PRELID2: variants seen among roughly 807,000 people sequenced by gnomAD.
PRELID2 encodes the protein PRELI domain containing 2, also known as PRELI domain-containing protein 2.
PRELID2 carries 25 observed loss-of-function variants against 28.4 expected under a neutral mutation model. That is an observed-to-expected ratio of 0.88 (90% CI 0.64 to 1.23). PRELID2 has a LOEUF of 1.23. Ranked by LOEUF, PRELID2 falls within the 50% of genes most tolerant of loss-of-function variation. The pLI is 0.00. For synonymous variants in PRELID2, 76 were observed against 71.6 expected (o/e 1.06, Z -0.31); for missense variants, 201 against 214.4 (o/e 0.94, Z 0.39).
chr5:145,531,673 G>T (rs987070657), intron 1 of PRELID2, among the ~76,000 whole-genome samples: 1 of 152,124 alleles, frequency 6.6e-6, no homozygotes, highest in Non-Finnish European at 1.5e-5. Context: ...GCTCTGCAAG[G>T]CCTCTCTGCT....
intron 1 of PRELID2, among the ~76,000 whole-genome samples, chr5:145,606,009 A>AT (rs1753498718): frequency 6.6e-6 from 1 of 151,462 alleles, no homozygotes; most frequent in Non-Finnish European, 1.5e-5. Context: ...ATTCCTAGGT[A>AT]TTTTATTCTT....
chr5:145,383,219 A>C, the PRELID2 span, among the ~76,000 whole-genome samples: 1 of 151,718 alleles, frequency 6.6e-6, no homozygotes, highest in African/African-American at 2.4e-5. Flanking sequence ...TATATATCTT[A>C]CACTCAAATA....
At chr5:145,530,626 G>A (rs1159981447) in intron 1 of PRELID2, among the ~76,000 whole-genome samples, 2 of 152,096 alleles carry the variant, frequency 1.3e-5, no homozygotes, top group East Asian at 3.9e-4. Flanking sequence ...AACGAACGCA[G>A]GAACCGGTTG....
At chr5:145,818,448 C>T (rs1754526693) in intron 3 of PRELID2, among the ~76,000 whole-genome samples, 1 of 152,152 alleles carries the variant, frequency 6.6e-6, no homozygotes, top group Admixed American at 6.6e-5. Context: ...TCATTTTAAA[C>T]TCTGTCCAAT....
At chr5:145,724,447 A>G (rs941671052) in intron 1 of PRELID2, among the ~76,000 whole-genome samples, 23 of 151,452 alleles carry the variant, frequency 1.5e-4, no homozygotes, top group African/African-American at 5.1e-4. Context: ...AATCTATAAT[A>G]CCAATATTAA....
the PRELID2 span, among the ~76,000 whole-genome samples, chr5:145,295,580 G>T: frequency 6.6e-6 from 1 of 152,232 alleles, no homozygotes; most frequent in East Asian, 1.9e-4. Context: ...TATAAGTACT[G>T]AATGCCAGAT....
intron 1 of PRELID2, among the ~76,000 whole-genome samples, chr5:145,729,724 C>T (rs1190846374): frequency 6.6e-6 from 1 of 152,174 alleles, no homozygotes; most frequent in East Asian, 1.9e-4. Flanking sequence ...GTCTTTCTTG[C>T]CCCATGTTGG....
At chr5:145,529,795 G>A (rs367914037) in intron 1 of PRELID2, among the ~76,000 whole-genome samples, 11 of 152,126 alleles carry the variant, frequency 7.2e-5, no homozygotes, top group South Asian at 2.1e-4. Context: ...ACTCTCTGAC[G>A]AGATATTTGA....
chr5:145,247,026 G>A, the PRELID2 span, among the ~76,000 whole-genome samples: 1 of 152,170 alleles, frequency 6.6e-6, no homozygotes, highest in African/African-American at 2.4e-5. Flanking sequence ...CTCCCAAATT[G>A]CTCCTGTGGA....
At chr5:145,550,309 C>A (rs757659312) in intron 1 of PRELID2, among the ~76,000 whole-genome samples, 1 of 151,998 alleles carries the variant, frequency 6.6e-6, no homozygotes, top group Non-Finnish European at 1.5e-5. Context: ...ATGAGCAAGG[C>A]GGAGAGTAGA....
At chr5:145,729,694 T>C (rs961669365) in intron 1 of PRELID2, among the ~76,000 whole-genome samples, 10 of 152,208 alleles carry the variant, frequency 6.6e-5, no homozygotes, top group African/African-American at 2.4e-4. Flanking sequence ...TTTTACATGC[T>C]CTAGCATTCC....
chr5:145,709,437 A>C (rs996181559), intron 1 of PRELID2, among the ~76,000 whole-genome samples: 2 of 152,210 alleles, frequency 1.3e-5, no homozygotes, highest in Non-Finnish European at 2.9e-5. Flanking sequence ...GGGAGCTTCC[A>C]GATCCATCTG....
At chr5:145,637,810 C>CTTTTT (rs547110066) in intron 1 of PRELID2, among the ~76,000 whole-genome samples, 3 of 130,730 alleles carry the variant, frequency 2.3e-5, no homozygotes, top group African/African-American at 8.8e-5. Context: ...CAAAACCATT[C>CTTTTT]TTTTTTTTTT....
At chr5:145,653,077 CA>C (rs1273839171) in intron 1 of PRELID2, among the ~76,000 whole-genome samples, 1 of 150,662 alleles carries the variant, frequency 6.6e-6, no homozygotes, top group Non-Finnish European at 1.5e-5. Flanking sequence ...AAATGGAAAA[CA>C]AAAAAAGGCA....
intron 1 of PRELID2, among the ~76,000 whole-genome samples, chr5:145,542,696 T>G (rs1286240667): frequency 6.6e-6 from 1 of 152,146 alleles, no homozygotes; most frequent in African/African-American, 2.4e-5. Flanking sequence ...GAAACTATTT[T>G]TGCTCTCCTC....
intron 1 of PRELID2, among the ~76,000 whole-genome samples, chr5:145,687,073 T>G (rs950747552): frequency 1.3e-5 from 2 of 152,080 alleles, no homozygotes; most frequent in African/African-American, 4.8e-5. Flanking sequence ...CACTCAGACT[T>G]GGAGATGCTA....
intron 1 of PRELID2, among the ~76,000 whole-genome samples, chr5:145,713,622 T>C (rs1755763058): frequency 7.7e-6 from 1 of 129,380 alleles, no homozygotes; most frequent in Non-Finnish European, 1.6e-5. Context: ...ATATAGTAAA[T>C]ATATAATATA....
At chr5:145,651,916 C>T (rs988569564) in intron 1 of PRELID2, among the ~76,000 whole-genome samples, 12 of 152,188 alleles carry the variant, frequency 7.9e-5, no homozygotes, top group Non-Finnish European at 1.5e-4. Flanking sequence ...ATGACTTTGA[C>T]AAGTTGAGAG....
intron 1 of PRELID2, among the ~76,000 whole-genome samples, chr5:145,615,351 G>T (rs1255736361): frequency 9.1e-6 from 1 of 110,012 alleles, no homozygotes; most frequent in South Asian, 2.8e-4. Flanking sequence ...TTTTTGAGAC[G>T]GAGTCTCGCT....
Sources: gnomAD v4.1 joint callset for allele counts (sites outside exome capture counted in the v4.1 genomes callset) on GRCh38, gnomAD v4.1.1 for gene constraint, MANE v1.5 for transcripts, NCBI Gene and HGNC (gene_info 2026-07-23, HGNC 2026-07-21) for gene names.